The following ARHGAP32 variants were observed in gnomAD, a reference collection of about 807,000 sequenced individuals.
ARHGAP32 encodes rho GTPase-activating protein 32.
Under a neutral mutation model 186.5 loss-of-function variants are expected in ARHGAP32, and 51 were observed. That is an observed-to-expected ratio of 0.27 (90% CI 0.22 to 0.35). The LOEUF is 0.35. ARHGAP32 is among the 10% of genes least tolerant of loss of function. The pLI, the probability that ARHGAP32 is intolerant of heterozygous loss-of-function variation, is 1.00. For synonymous variants in ARHGAP32, 950 were observed against 964.3 expected (o/e 0.99, Z 0.27); for missense variants, 2,186 against 2,623.5 (o/e 0.83, Z 3.64).
intron 2 of ARHGAP32, among the ~76,000 whole-genome samples, chr11:129,130,430 A>G (rs1053255071): frequency 2.6e-5 from 4 of 152,140 alleles, no homozygotes; most frequent in Non-Finnish European, 4.4e-5. Context: ...AAAAAAACTC[A>G]TAAGCAAAAA....
intron 1 of ARHGAP32, among the ~76,000 whole-genome samples, chr11:129,165,846 T>A (rs956072525): frequency 2.6e-5 from 4 of 151,810 alleles, no homozygotes; most frequent in African/African-American, 4.8e-5. Flanking sequence ...GTTTAAACAC[T>A]ATGGAAACAC....
chr11:129,132,613 C>T (rs1170798385), intron 2 of ARHGAP32, among the ~76,000 whole-genome samples: 2 of 152,264 alleles, frequency 1.3e-5, no homozygotes, highest in East Asian at 3.9e-4. Context: ...AAGCACAAAT[C>T]AACACTCTCC....
intron 1 of ARHGAP32, among the ~76,000 whole-genome samples, chr11:129,257,656 T>C (rs1217881859): frequency 6.9e-6 from 1 of 145,154 alleles, no homozygotes; most frequent in Non-Finnish European, 1.5e-5. Flanking sequence ...AAACATTGAA[T>C]AAGTTTTCTA....
At chr11:129,166,511 G>A (rs1375121000) in intron 1 of ARHGAP32, among the ~76,000 whole-genome samples, 1 of 151,958 alleles carries the variant, frequency 6.6e-6, no homozygotes, top group Non-Finnish European at 1.5e-5. Context: ...AAAGCAGCCA[G>A]AGAATTTTTT....
chr11:129,204,992 G>C (rs542621221), intron 1 of ARHGAP32, among the ~76,000 whole-genome samples: 7 of 152,030 alleles, frequency 4.6e-5, no homozygotes, highest in Non-Finnish European at 1.0e-4. Flanking sequence ...ATTGAAATTT[G>C]TTCTGCTAAG....
intron 10 of ARHGAP32, among the ~76,000 whole-genome samples, chr11:129,060,641 A>G (rs962121592): frequency 3.3e-5 from 5 of 152,186 alleles, no homozygotes; most frequent in Non-Finnish European, 7.4e-5. Context: ...GGGGATCCCA[A>G]TAGCACAAAC....
chr11:129,019,442 C>T (rs1938499442), intron 11 of ARHGAP32, among the ~76,000 whole-genome samples: 4 of 152,084 alleles, frequency 2.6e-5, no homozygotes, highest in Non-Finnish European at 5.9e-5. Context: ...ATAAACAAGT[C>T]TCTAATCATC....
chr11:129,059,057 A>G (rs1245995431), intron 10 of ARHGAP32, among the ~76,000 whole-genome samples: 1 of 152,210 alleles, frequency 6.6e-6, no homozygotes, highest in African/African-American at 2.4e-5. Flanking sequence ...TCTTTACACT[A>G]TATTTCTTGC....
At chr11:129,253,786 G>A (rs1565481795) in intron 1 of ARHGAP32, among the ~76,000 whole-genome samples, 3 of 152,028 alleles carry the variant, frequency 2.0e-5, no homozygotes, top group Admixed American at 6.6e-5. Flanking sequence ...TGCTTACAAA[G>A]TGTTTGAAAA....
chr11:129,238,515 C>T (rs997837256), intron 1 of ARHGAP32, among the ~76,000 whole-genome samples: 23 of 152,270 alleles, frequency 1.5e-4, no homozygotes, highest in Non-Finnish European at 2.6e-4. Context: ...ATGTCAGTAA[C>T]AGGTGCTCTT....
intron 1 of ARHGAP32, among the ~76,000 whole-genome samples, chr11:129,191,308 T>C (rs1403919365): frequency 9.9e-6 from 1 of 100,566 alleles, no homozygotes; most frequent in Non-Finnish European, 2.7e-5. Context: ...TCAAAGGTAT[T>C]ACATCGCTAA....
intron 2 of ARHGAP32, among the ~76,000 whole-genome samples, chr11:129,145,661 T>A (rs1020649949): frequency 2.6e-5 from 4 of 152,166 alleles, no homozygotes; most frequent in African/African-American, 9.6e-5. Flanking sequence ...TGATTAACAA[T>A]AGTCACATGC....
upstream of ARHGAP32, among the ~76,000 whole-genome samples, chr11:129,193,661 A>C (rs1380164422): frequency 1.5e-4 from 9 of 59,840 alleles, no homozygotes; most frequent in Admixed American, 3.1e-4. Context: ...CATATACAAT[A>C]TATATTATAT....
chr11:129,105,910 T>C (rs996353712), intron 5 of ARHGAP32, among the ~76,000 whole-genome samples: 3 of 152,128 alleles, frequency 2.0e-5, no homozygotes, highest in Middle Eastern at 3.2e-3. Flanking sequence ...AAGAAACTGA[T>C]GTATGAACAT....
intron 10 of ARHGAP32, among the ~76,000 whole-genome samples, chr11:129,060,258 A>G (rs1028838033): frequency 1.3e-5 from 2 of 152,172 alleles, no homozygotes; most frequent in African/African-American, 4.8e-5. Context: ...AGGAATAGAG[A>G]GATTTTAAGT....
chr11:129,009,062 C>T (rs946619144), intron 11 of ARHGAP32, among the ~76,000 whole-genome samples: 2 of 152,088 alleles, frequency 1.3e-5, no homozygotes, highest in African/African-American at 4.8e-5. Flanking sequence ...GTTTGGTTTG[C>T]AACAATTTAA....
At position 129,218,180 on chromosome 11, in the gene ARHGAP32, G is replaced by T. The variant is rs1189132620; in HGVS notation, c.-4-53753C>A. Among the ~76,000 whole-genome samples the T allele has an allele frequency of 2.0e-5, 3 of 152,110 alleles. No individual in the cohort carries two copies. The East Asian group carries it at 5.8e-4, about 29-fold the overall frequency. On this transcript the variant is annotated intron_variant, in intron 1 of 6. Coordinates refer to the ARHGAP32 transcript ENST00000525234. ...ATCATTTCATGACTTTAAATATACT[G>T]TGAAATATTAAATACGTTAAATAAT...
rs1311061771 is a variant in ARHGAP32 at position 128,970,357 on chromosome 11, G to A, written c.4856C>T (p.Pro1619Leu). ...GCAGTAGGCTGGCTCATCATCTGGG[G>A]GAACTTCTGTCCGTGAAATGGGAAC... ...RSVPISRTEVPPDDEPAYCPR... is the reference protein window; with the variant it reads ...RSVPISRTEVLPDDEPAYCPR... The change falls in exon 23 of 23, where the codon CCC (proline) becomes CTC (leucine). Residue 1619 changes from proline (P) to leucine (L), a missense_variant. Pro to Leu is a moderately conservative substitution (Grantham distance 98, BLOSUM62 -3). This residue lies in a region of ARHGAP32 where 1,502 missense variants were observed against 1,570.0 expected (regional missense o/e 0.96). Transcript: ENST00000682385. The surrounding 1 kb of genome is among the most constrained non-coding windows in gnomAD (Gnocchi z 5.8). 6.2e-7 allele frequency: 1 copy of A among 1,614,048 alleles called. No homozygotes were observed. Among genetic ancestry groups the A allele is most frequent in the East Asian group, 2.2e-5 (1 of 44,888 alleles).
chr11:129,112,593 A>AT (rs1208023462), intron 5 of ARHGAP32, among the ~76,000 whole-genome samples: 1 of 151,874 alleles, frequency 6.6e-6, no homozygotes, highest in Non-Finnish European at 1.5e-5. Context: ...CTTCTCAGTG[A>AT]TTTTCTTAAA....
Sources: allele counts gnomAD v4.1 joint callset (sites outside exome capture counted in the v4.1 genomes callset), GRCh38; gene constraint gnomAD v4.1.1; regional missense constraint gnomAD v4.1.1; non-coding constraint Gnocchi (gnomAD v3.1); transcripts MANE v1.5; gene names NCBI Gene and HGNC (gene_info 2026-07-23, HGNC 2026-07-21).